The following ARPP21 variants were observed in gnomAD, a reference collection of about 807,000 sequenced individuals.
ARPP21 encodes cAMP-regulated phosphoprotein 21.
In ARPP21, 69 loss-of-function variants were observed where a neutral mutation model predicts 113.2. The ratio of observed to expected loss-of-function variants is 0.61; its 90% confidence interval spans 0.50 to 0.74. The LOEUF (loss-of-function observed/expected upper bound fraction) is 0.74, where lower values mean the gene tolerates loss of function less well. ARPP21 is among the 30% of genes least tolerant of loss of function. The pLI is 0.00. For synonymous variants in ARPP21, 368 were observed against 375.5 expected (o/e 0.98, Z 0.23); for missense variants, 1,070 against 1,037.4 (o/e 1.03, Z -0.43).
intron 1 of ARPP21, among the ~76,000 whole-genome samples, chr3:35,657,074 CT>C (rs1226908149): frequency 1.3e-5 from 2 of 152,046 alleles, no homozygotes; most frequent in Non-Finnish European, 2.9e-5. Context: ...TGTGTTACCC[CT>C]GGTACCCTTC....
rs113026490 is a variant in ARPP21, at chr3:35,682,529, C to G, written c.130-319C>G. On this transcript the variant is annotated intron_variant, in intron 3 of 20. Coordinates refer to ENST00000684406, the MANE Select transcript of ARPP21 (RefSeq NM_001385562.1). Reference sequence around the variant, plus strand: ...TAACTAAACTACAGAAGTGTTAACTCTTTATATACCAACAGTTAACAAAGG... The same window carrying G: ...TAACTAAACTACAGAAGTGTTAACTGTTTATATACCAACAGTTAACAAAGG... 1,291 of 277,056 alleles carry G rather than the reference C, an allele frequency of 4.7e-3. 12 individuals carry two copies. The highest frequency in any genetic ancestry group is 4.8e-3 in the Non-Finnish European group (727 of 149,942). 17.2% of individuals were successfully genotyped at this position (277,056 alleles called of 1,614,324 possible). A position where few individuals can be genotyped will look rare whatever the true frequency, so the allele number is the denominator to read the frequency against.
chr3:35,724,946 T>G (rs2093412690), intron 14 of ARPP21, among the ~76,000 whole-genome samples: 1 of 152,160 alleles, frequency 6.6e-6, no homozygotes, highest in African/African-American at 2.4e-5. Context: ...TGATTTGTGG[T>G]CCTTGTAAAA....
chr3:35,708,896 C>A, intron 10 of ARPP21, 73 bp from the exon 11 acceptor site: 1 of 944,230 alleles, frequency 1.1e-6, no homozygotes, highest in Non-Finnish European at 1.7e-6. Flanking sequence ...TTATTCTTAG[C>A]TGACAGTTGC....
chr3:35,727,156 TTAA>T, intron 14 of ARPP21, among the ~76,000 whole-genome samples: 1 of 152,334 alleles, frequency 6.6e-6, no homozygotes, highest in East Asian at 1.9e-4. Context: ...ACTATCACTA[TTAA>T]TAATCAAGTC....
chr3:35,683,212 G>A (rs2079502546), intron 4 of ARPP21, among the ~76,000 whole-genome samples: 1 of 151,478 alleles, frequency 6.6e-6, no homozygotes, highest in Non-Finnish European at 1.5e-5. Flanking sequence ...TTAGAGATTT[G>A]ACAGTATTTT....
In ARPP21 at chr3:35,721,472, G is replaced by T. The variant is rs983555334; in HGVS notation, c.996-133G>T. Reference sequence around the variant, plus strand: ...TATTTGTAACACTGGGAGGCAACTGGTTTAATGAAAAGGGTTGGCAGGAAG... The same window carrying T: ...TATTTGTAACACTGGGAGGCAACTGTTTTAATGAAAAGGGTTGGCAGGAAG... On this transcript the variant is annotated intron_variant, in intron 13 of 20. Transcript: ENST00000684406. 2.1e-5 allele frequency: 13 copies of T among 621,812 alleles called. No homozygotes were observed. In the South Asian group the frequency reaches 2.6e-4, roughly 12 times the overall value. The allele number at this position is 621,812 out of a possible 1,614,324, so 38.5% of individuals were successfully genotyped here.
intron 19 of ARPP21, among the ~76,000 whole-genome samples, chr3:35,763,274 G>T (rs981196368): frequency 1.3e-5 from 2 of 152,026 alleles, no homozygotes; most frequent in African/African-American, 4.8e-5. Context: ...TGCCTCTCTT[G>T]GGTATCTCCC....
Position 35,717,365 on chromosome 3 carries a change from T to C in ARPP21, c.995+8T>C, listed in dbSNP as rs746430940. 71 of 1,574,104 alleles carry C rather than the reference T, an allele frequency of 4.5e-5. 1 individual carries two copies. The Admixed American group carries it at 1.2e-3, about 26-fold the overall frequency. The stretch of plus-strand genomic sequence containing the variant: ...GAAAAGACAGCTCTTTCGGTTGGTA[T>C]GGTTTACTTTCTTAAACTGTGTTTT... On this transcript the variant is annotated splice_region_variant and intron_variant, in intron 13 of 20. Coordinates refer to ENST00000684406, the MANE Select transcript of ARPP21 (RefSeq NM_001385562.1).
intron 1 of ARPP21, among the ~76,000 whole-genome samples, chr3:35,660,285 G>T (rs1027017123): frequency 6.6e-6 from 1 of 152,118 alleles, no homozygotes; most frequent in Non-Finnish European, 1.5e-5. Context: ...TAAAACACAA[G>T]ATGGTATCTA....
At chr3:35,653,048 A>T (rs1575447911) in intron 1 of ARPP21, among the ~76,000 whole-genome samples, 1 of 152,144 alleles carries the variant, frequency 6.6e-6, no homozygotes, top group African/African-American at 2.4e-5. Context: ...TTACCTTTGG[A>T]TTATGTTTGA....
At chr3:35,645,350 A>G (rs1184146740) in intron 1 of ARPP21, among the ~76,000 whole-genome samples, 1 of 151,892 alleles carries the variant, frequency 6.6e-6, no homozygotes, top group East Asian at 1.9e-4. Context: ...TGCAAATAAA[A>G]TTTGTTTTTA....
intron 9 of ARPP21, among the ~76,000 whole-genome samples, chr3:35,696,262 AAAT>A (rs1396787388): frequency 2.0e-5 from 3 of 151,584 alleles, no homozygotes; most frequent in Non-Finnish European, 4.4e-5. Flanking sequence ...GAAAAGTAGG[AAAT>A]AATATTTGTG....
intron 1 of ARPP21, among the ~76,000 whole-genome samples, chr3:35,671,928 C>T (rs764179510): frequency 5.3e-5 from 8 of 152,024 alleles, no homozygotes; most frequent in Non-Finnish European, 1.0e-4. Context: ...CCTGAAGAAA[C>T]TCAACCACAT....
At chr3:35,783,823 G>T (rs1396912406) in intron 19 of ARPP21, among the ~76,000 whole-genome samples, 1 of 152,122 alleles carries the variant, frequency 6.6e-6, no homozygotes, top group Non-Finnish European at 1.5e-5. Context: ...TGCTATGCCT[G>T]TATATTTACA....
At chr3:35,746,920 G>A (rs939948295) in intron 19 of ARPP21, among the ~76,000 whole-genome samples, 1 of 152,164 alleles carries the variant, frequency 6.6e-6, no homozygotes, top group African/African-American at 2.4e-5. Context: ...GGACACCTGA[G>A]TTCCCCTGTG....
intron 13 of ARPP21, among the ~76,000 whole-genome samples, chr3:35,719,158 A>G (rs1394965152): frequency 6.6e-6 from 1 of 151,852 alleles, no homozygotes. Context: ...GTTTTCTACA[A>G]TGCCTATGAT....
At chr3:35,687,413 A>G (rs1216202316) in intron 5 of ARPP21, among the ~76,000 whole-genome samples, 3 of 150,974 alleles carry the variant, frequency 2.0e-5, no homozygotes, top group African/African-American at 7.3e-5. Context: ...GAGCTTACTG[A>G]TAAAGAAATT....
At chr3:35,647,056 C>T (rs901629695) in intron 1 of ARPP21, among the ~76,000 whole-genome samples, 6 of 152,142 alleles carry the variant, frequency 3.9e-5, no homozygotes, top group Non-Finnish European at 7.4e-5. Context: ...AATCATGTTG[C>T]ATACACATGC....
chr3:35,750,924 G>T (rs560324767), intron 19 of ARPP21, among the ~76,000 whole-genome samples: 1 of 152,132 alleles, frequency 6.6e-6, no homozygotes, highest in African/African-American at 2.4e-5. Context: ...GCTTCTGCCC[G>T]CATCTCTCAC....
Sources: gnomAD v4.1 joint callset for allele counts (sites outside exome capture counted in the v4.1 genomes callset) on GRCh38, gnomAD v4.1.1 for gene constraint, MANE v1.5 for transcripts, NCBI Gene and HGNC (gene_info 2026-07-23, HGNC 2026-07-21) for gene names.